The following ZFYVE1 variants were observed in gnomAD, a reference collection of about 807,000 sequenced individuals.
The protein encoded by ZFYVE1 is zinc finger FYVE domain-containing protein 1.
ZFYVE1 carries 30 observed loss-of-function variants against 74.4 expected under a neutral mutation model. The observed-to-expected ratio is 0.40, with a 90% CI of 0.30 to 0.55. The LOEUF is 0.55. Among genes scored for constraint, ZFYVE1 ranks in the 20% least tolerant of loss-of-function variants. The pLI, the probability that ZFYVE1 is intolerant of heterozygous loss-of-function variation, is 0.42. For missense variants in ZFYVE1, 703 were observed against 1,011.6 expected, an observed-to-expected ratio of 0.69 and a Z score of 4.14; for synonymous variants, 335 against 385.1, an observed-to-expected ratio of 0.87 and a Z score of 1.52.
At chr14:73,011,506 T>TTTTTA (rs765138402) in intron 2 of ZFYVE1, among the ~76,000 whole-genome samples, 4 of 151,676 alleles carry the variant, frequency 2.6e-5, no homozygotes, top group South Asian at 2.1e-4. Flanking sequence ...TTTTGTTTTA[T>TTTTTA]TTTTATTTTA....
intron 4 of ZFYVE1, among the ~76,000 whole-genome samples, chr14:72,992,601 G>T (rs34518714): frequency 7.2e-6 from 1 of 138,656 alleles, no homozygotes; most frequent in African/African-American, 2.8e-5. Flanking sequence ...TCTGGGGGGA[G>T]GTCCCATTCA....
intron 4 of ZFYVE1, among the ~76,000 whole-genome samples, chr14:72,992,175 C>T (rs1189080005): frequency 6.6e-6 from 1 of 152,152 alleles, no homozygotes; most frequent in Non-Finnish European, 1.5e-5. Context: ...TCCCAAAGTG[C>T]TGGAATTACA....
At position 73,024,542 on chromosome 14, in the gene ZFYVE1, A is replaced by G; in HGVS notation, c.-34T>C. ...TGGTAAGGAAACACACCCACCATAT[A>G]ATAGTCACTGAGCTTGCCCCGGGGG... is the stretch of plus-strand genomic sequence containing the variant. On this transcript the variant is annotated 5_prime_UTR_variant, in exon 2 of 12. Coordinates refer to ENST00000556143, the MANE Select transcript of ZFYVE1 (RefSeq NM_021260.4). The G allele has an allele frequency of 6.5e-7, 1 of 1,547,334 alleles. No individual in the cohort carries two copies. Among genetic ancestry groups the G allele is most frequent in the Non-Finnish European group, 8.7e-7 (1 of 1,147,452 alleles).
chr14:72,975,948 A>G lies in ZFYVE1; in HGVS notation c.1636-227T>C. On this transcript the variant is annotated intron_variant, in intron 8 of 11. Coordinates refer to ENST00000556143, the MANE Select transcript of ZFYVE1 (RefSeq NM_021260.4). The surrounding 1 kb of genome is among the most constrained non-coding windows in gnomAD (Gnocchi z 4.1). ...AATTCAGGACTTACTAAGCCCATAT[A>G]ATACAGGAGATGACACCTCCTCCAG... 1 of 498,660 alleles carries G rather than the reference A, an allele frequency of 2.0e-6. No individual in the cohort carries two copies. The highest frequency in any genetic ancestry group is 3.5e-6 in the Non-Finnish European group (1 of 287,890). The allele number at this position is 498,660 out of a possible 1,614,324, so 30.9% of individuals were successfully genotyped here. A position where few individuals can be genotyped will look rare whatever the true frequency, so the allele number is the denominator to read the frequency against.
intron 5 of ZFYVE1, among the ~76,000 whole-genome samples, chr14:72,980,528 AATTAATTAATTTATTT>A (rs1353901706): frequency 1.1e-3 from 116 of 103,142 alleles, no homozygotes; most frequent in African/African-American, 3.7e-3. Context: ...ATCACCTGAG[AATTAATTAATTTATTT>A]ATTTATTTAT....
chr14:73,025,296 T>C lies in ZFYVE1; in HGVS notation c.-434-354A>G, dbSNP rs1400849797. 2.0e-5 allele frequency among the ~76,000 whole-genome samples: 3 copies of C among 151,960 alleles called. No homozygotes were observed. The East Asian group carries it at 5.8e-4, about 30-fold the overall frequency. On this transcript the variant is annotated intron_variant, in intron 1 of 11. Coordinates refer to ENST00000556143, the MANE Select transcript of ZFYVE1 (RefSeq NM_021260.4). Reference sequence around the variant, plus strand: ...GTTGGCCAGGCTGGTCTTGAACTCTTGACCCCAGGTGATCTGCCCGCCTTG... The same window carrying C: ...GTTGGCCAGGCTGGTCTTGAACTCTCGACCCCAGGTGATCTGCCCGCCTTG...
chr14:72,996,214 A>C (rs1372176521), intron 3 of ZFYVE1, among the ~76,000 whole-genome samples: 1 of 152,162 alleles, frequency 6.6e-6, no homozygotes, highest in African/African-American at 2.4e-5. Flanking sequence ...CACTACATTT[A>C]GGAGTTTGGA....
intron 8 of ZFYVE1, among the ~76,000 whole-genome samples, chr14:72,976,446 A>G (rs949608505): frequency 6.6e-6 from 1 of 152,168 alleles, no homozygotes; most frequent in Admixed American, 6.5e-5. Flanking sequence ...CTACTATATA[A>G]TAACAGATTT....
chr14:72,975,460 C>T lies in ZFYVE1; in HGVS notation c.1806+91G>A, dbSNP rs1893143129. 6.8e-7 allele frequency: 1 copy of T among 1,476,264 alleles called. No homozygotes were observed. The allele number at this position is 1,476,264 out of a possible 1,614,324, so 91.4% of individuals were successfully genotyped here. ...CTGCACTGGCAGAAAATGTTTGCGT[C>T]TCCCTCACAGAACAAGCTTAGCACA... On this transcript the variant is annotated intron_variant, in intron 9 of 11. Coordinates refer to ENST00000556143, the MANE Select transcript of ZFYVE1 (RefSeq NM_021260.4). This position sits in a 1 kb window ranked among gnomAD's most constrained non-coding sequence, Gnocchi z 4.1.
chr14:72,987,659 C>T (rs1284992639), intron 4 of ZFYVE1, among the ~76,000 whole-genome samples: 1 of 152,254 alleles, frequency 6.6e-6, no homozygotes, highest in Non-Finnish European at 1.5e-5. Flanking sequence ...CCATAGTTAA[C>T]TCAATATTCA....
At position 72,970,530 on chromosome 14, in the gene ZFYVE1, G is replaced by A. The variant is rs184556959; in HGVS notation, c.*352C>T. 13 of 275,564 alleles carry A rather than the reference G, an allele frequency of 4.7e-5. No individual in the cohort carries two copies. The East Asian group carries it at 1.1e-3, about 24-fold the overall frequency. The allele number at this position is 275,564 out of a possible 1,614,324, so 17.1% of individuals were successfully genotyped here. A position where few individuals can be genotyped will look rare whatever the true frequency, so the allele number is the denominator to read the frequency against. On this transcript the variant is annotated 3_prime_UTR_variant, in exon 12 of 12. Transcript: ENST00000556143. ...CTGCCACCTCACCCTGTGCGGAGGA[G>A]ACTGTGCGAAGTCTTCACAGCCAGC...
intron 5 of ZFYVE1, among the ~76,000 whole-genome samples, chr14:72,981,018 ACAAAC>A (rs1193709217): frequency 1.3e-5 from 2 of 152,186 alleles, no homozygotes; most frequent in Non-Finnish European, 2.9e-5. Flanking sequence ...AGTGCGGTCC[ACAAAC>A]CAAAGGCACA....
intron 11 of ZFYVE1, among the ~76,000 whole-genome samples, chr14:72,972,197 G>A (rs1189166301): frequency 6.6e-6 from 1 of 152,062 alleles, no homozygotes; most frequent in Non-Finnish European, 1.5e-5. Context: ...CTGGACAATA[G>A]CGAGAGTCAG....
intron 3 of ZFYVE1, among the ~76,000 whole-genome samples, chr14:72,994,062 C>T (rs767100778): frequency 1.0e-4 from 15 of 148,252 alleles, no homozygotes; most frequent in Non-Finnish European, 2.1e-4. Context: ...GTGGTTCACA[C>T]CTGTAATCCC....
rs34995252 is a variant in ZFYVE1 at position 72,988,175 on chromosome 14, A to ATTTTTTT, written c.1203+4961_1203+4967dup. On this transcript the variant is annotated intron_variant, in intron 4 of 11. Coordinates refer to ENST00000556143, the MANE Select transcript of ZFYVE1 (RefSeq NM_021260.4). ...TCAAAAATAAGATAGGGCTAACAAC[A>ATTTTTTT]TTTTTTTTTTTTTTTTTGAGACAGA... 6.6e-4 allele frequency among the ~76,000 whole-genome samples: 92 copies of ATTTTTTT among 140,028 alleles called. 1 individual carries two copies. In the South Asian group the frequency reaches 0.021, roughly 31 times the overall value. 91.9% of individuals were successfully genotyped at this position (140,028 alleles called of 152,430 possible).
chr14:72,977,214 C>G (rs973553630), intron 8 of ZFYVE1, among the ~76,000 whole-genome samples: 7 of 152,310 alleles, frequency 4.6e-5, no homozygotes, highest in African/African-American at 1.4e-4. Context: ...TTGAAACCAG[C>G]CTGACCAACA....
At chr14:73,009,434 C>G (rs1374989183) in intron 2 of ZFYVE1, among the ~76,000 whole-genome samples, 2 of 152,188 alleles carry the variant, frequency 1.3e-5, no homozygotes, top group African/African-American at 4.8e-5. Context: ...TCACCATCAG[C>G]TGGAAATTTC....
At chr14:72,983,114 G>C (rs1045083292) in intron 4 of ZFYVE1, among the ~76,000 whole-genome samples, 7 of 152,028 alleles carry the variant, frequency 4.6e-5, no homozygotes, top group Non-Finnish European at 4.4e-5. Flanking sequence ...CAAAGTGCTG[G>C]GATTACAGAC....
chr14:72,979,266 G>A (rs1053432976), intron 5 of ZFYVE1: 7 of 316,888 alleles, frequency 2.2e-5, no homozygotes, highest in African/African-American at 6.4e-5. Context: ...TTGGGAGGCC[G>A]ACGGGGGCAG....
Sources: allele counts gnomAD v4.1 joint callset (sites outside exome capture counted in the v4.1 genomes callset), GRCh38; gene constraint gnomAD v4.1.1; non-coding constraint Gnocchi (gnomAD v3.1); transcripts MANE v1.5; gene names NCBI Gene and HGNC (gene_info 2026-07-23, HGNC 2026-07-21).